Variants in FOXL2 observed in about 807,000 individuals in gnomAD.
The protein encoded by FOXL2 is forkhead box protein L2.
FOXL2 carries 3 observed loss-of-function variants against 2.5 expected under a neutral mutation model. The ratio of observed to expected loss-of-function variants is 1.20; its 90% CI spans 0.55 to 3.11. FOXL2 has a LOEUF of 3.11. Among genes scored for constraint, FOXL2 ranks in the 30% most tolerant of loss-of-function variants. The pLI is 0.03. For missense variants in FOXL2, 512 were observed against 570.0 expected, an observed-to-expected ratio of 0.90 and a Z score of 1.04; for synonymous variants, 315 against 269.4, an observed-to-expected ratio of 1.17 and a Z score of -1.66.
rs1935904063 is a variant in FOXL2 at position 138,944,332 on chromosome 3, C to G, written c.*1260G>C. 4.3e-6 allele frequency: 1 copy of G among 233,362 alleles called. No individual in the cohort carries two copies. Among genetic ancestry groups the G allele is most frequent in the East Asian group, 6.0e-5 (1 of 16,566 alleles). The allele number at this position is 233,362 out of a possible 1,614,324, so 14.5% of individuals were successfully genotyped here. ...TAGTTCTCTCTAGAAAATTTGGTCCCCCAAACAACAAGCTACAGTACAACC... is the reference window on the plus strand; with the variant it reads ...TAGTTCTCTCTAGAAAATTTGGTCCGCCAAACAACAAGCTACAGTACAACC... On this transcript the variant is annotated 3_prime_UTR_variant, in exon 1 of 1. Coordinates refer to ENST00000648323, the MANE Select transcript of FOXL2 (RefSeq NM_023067.4).
chr3:138,945,512 G>A lies in FOXL2; in HGVS notation c.*80C>T, dbSNP rs1248459767. On this transcript the variant is annotated 3_prime_UTR_variant, in exon 1 of 1. Transcript: ENST00000648323. Reference sequence around the variant, plus strand: ...GAGGGTGTGAGGTCAGGCTGGCGGCGGCGTCGTCGGCTGCGACCGGGGCCG... The same window carrying A: ...GAGGGTGTGAGGTCAGGCTGGCGGCAGCGTCGTCGGCTGCGACCGGGGCCG... 16 of 1,546,726 alleles carry A rather than the reference G, an allele frequency of 1.0e-5. No homozygotes were observed. The highest frequency in any genetic ancestry group is 1.3e-5 in the Non-Finnish European group (15 of 1,143,138).
rs757195166 is a variant in FOXL2, at chr3:138,945,932, A to G, written c.791T>C (p.Met264Thr). The change falls in exon 1 of 1, where the codon ATG becomes ACG. Residue 264 changes from methionine (M) to threonine (T), a missense_variant. Coordinates refer to ENST00000648323, the MANE Select transcript of FOXL2 (RefSeq NM_023067.4). ...SYGPYTRVQS[M>T]ALPPGVVNSY... ...GTTCACTACGCCGGGGGGCAGCGCC[A>G]TGCTCTGCACGCGTGTGTACGGCCC... is the stretch of plus-strand genomic sequence containing the variant. The G allele has an allele frequency of 4.4e-6, 6 of 1,369,196 alleles. No individual in the cohort carries two copies. In the Admixed American group the frequency reaches 1.3e-4, roughly 29 times the overall value. The allele number at this position is 1,369,196 out of a possible 1,614,324, so 84.8% of individuals were successfully genotyped here.
In FOXL2 at chr3:138,945,594, A is replaced by G; in HGVS notation, c.1129T>C (p.Ter377ArgextTer31). Residue 377 changes from the stop codon to arginine, a stop_lost, in exon 1 of 1, where the codon TGA becomes CGA. Transcript: ENST00000648323. The stretch of plus-strand genomic sequence containing the variant: ...CTGCACCGGCATGCGGTGGGCTCTC[A>G]GAGATCGAGGCGCGAATGCAGCGCG... ...TGALHSRLDL[*>R] 1 of 1,608,742 alleles carries G rather than the reference A, an allele frequency of 6.2e-7. No individual in the cohort carries two copies. Among genetic ancestry groups the G allele is most frequent in the Non-Finnish European group, 8.5e-7 (1 of 1,177,350 alleles).
chr3:138,945,237 C>CAAGAAGTGTAGATCT lies in FOXL2; in HGVS notation c.*354_*355insAGATCTACACTTCTT. The CAAGAAGTGTAGATCT allele has an allele frequency of 4.1e-6, 1 of 243,824 alleles. No homozygotes were observed. The highest frequency in any genetic ancestry group is 5.4e-5 in the Admixed American group (1 of 18,462). 15.1% of individuals were successfully genotyped at this position (243,824 alleles called of 1,614,324 possible). ...GCCAAGAGGTCTGCGCTGCCGACGC[C>CAAGAAGTGTAGATCT]CGGTCGCACCTCCGCCCCGGGCCCT... is the stretch of plus-strand genomic sequence containing the variant. On this transcript the variant is annotated 3_prime_UTR_variant, in exon 1 of 1. Coordinates refer to ENST00000648323, the MANE Select transcript of FOXL2 (RefSeq NM_023067.4).
Position 138,944,619 on chromosome 3 carries a change from G to A in FOXL2, c.*973C>T. ...GGAGAGGGTGAAACTTCCCCAATTG[G>A]TAGACGAAACCATCTTTTATTGGAT... On this transcript the variant is annotated 3_prime_UTR_variant, in exon 1 of 1. Transcript: ENST00000648323. The A allele has an allele frequency of 4.3e-6, 1 of 233,114 alleles. No homozygotes were observed. The highest frequency in any genetic ancestry group is 8.5e-6 in the Non-Finnish European group (1 of 117,930). The allele number at this position is 233,114 out of a possible 1,614,324, so 14.4% of individuals were successfully genotyped here. A position where few individuals can be genotyped will look rare whatever the true frequency, so the allele number is the denominator to read the frequency against.
At position 138,946,030 on chromosome 3, in the gene FOXL2, AGCCGCAGCTGCTGCAGCCGCTGCG is replaced by A. The variant is rs1404590999; in HGVS notation, c.669_692del (p.Ala227_Ala234del). 2.7e-5 allele frequency: 37 copies of A among 1,390,032 alleles called. No individual in the cohort carries two copies. The highest frequency in any genetic ancestry group is 5.2e-4 in the Middle Eastern group (2 of 3,826). 86.1% of individuals were successfully genotyped at this position (1,390,032 alleles called of 1,614,324 possible). A position where few individuals can be genotyped will look rare whatever the true frequency, so the allele number is the denominator to read the frequency against. Reference sequence around the variant, plus strand: ...CAGGGCTACCGGGGCCCGCGGCTGCAGCCGCAGCTGCTGCAGCCGCTGCGGCTGCCGCCATCTGGCAGGAGGCAT... The same window carrying A: ...CAGGGCTACCGGGGCCCGCGGCTGCAGCTGCCGCCATCTGGCAGGAGGCAT... On this transcript the variant is annotated inframe_deletion, in exon 1 of 1. Coordinates refer to ENST00000648323, the MANE Select transcript of FOXL2 (RefSeq NM_023067.4).
In FOXL2 at chr3:138,946,619, C is replaced by T; in HGVS notation, c.104G>A (p.Gly35Asp). Reference protein sequence around the residue: ...KEPEGPPPSPGKGGGGGGGTA... With the variant: ...KEPEGPPPSPDKGGGGGGGTA... The stretch of plus-strand genomic sequence containing the variant: ...CCCGCCGCCACCCCCACCGCCCTTG[C>T]CTGGGCTCGGCGGCGGCCCTTCTGG... Residue 35 changes from glycine (G) to aspartate (D), a missense_variant, in exon 1 of 1, where the codon GGC (glycine) becomes GAC (aspartate). Around this residue, in one of 5 missense-constraint regions of FOXL2, gnomAD observed 92 missense variants for 77.8 expected, o/e 1.18. Coordinates refer to ENST00000648323, the MANE Select transcript of FOXL2 (RefSeq NM_023067.4). 1.2e-6 allele frequency: 2 copies of T among 1,601,550 alleles called. No individual in the cohort carries two copies. The highest frequency in any genetic ancestry group is 1.7e-6 in the Non-Finnish European group (2 of 1,176,676).
At position 138,945,622 on chromosome 3, in the gene FOXL2, G is replaced by T. The variant is rs143272886; in HGVS notation, c.1101C>A (p.Thr367=). 1,178 of 1,610,776 alleles carry T rather than the reference G, an allele frequency of 7.3e-4. 6 individuals are homozygous for T. The African/African-American group carries it at 0.014, about 19-fold the overall frequency. The part of the protein sequence containing the change: ...HCSYWDHDSK[T]GALHSRLDL ...GATCGAGGCGCGAATGCAGCGCGCC[G>T]GTCTTGCTGTCGTGGTCCCAGTAAG... Residue 367 remains threonine, a synonymous_variant, in exon 1 of 1, where the codon ACC becomes ACA. Transcript: ENST00000648323.
rs547557411 is a variant in FOXL2 at position 138,944,729 on chromosome 3, C to T, written c.*863G>A. The T allele has an allele frequency of 4.3e-6, 1 of 233,224 alleles. No homozygotes were observed. Among genetic ancestry groups the T allele is most frequent in the South Asian group, 1.8e-4 (1 of 5,532 alleles). The allele number at this position is 233,224 out of a possible 1,614,324, so 14.4% of individuals were successfully genotyped here. A position where few individuals can be genotyped will look rare whatever the true frequency, so the allele number is the denominator to read the frequency against. On this transcript the variant is annotated 3_prime_UTR_variant, in exon 1 of 1. Coordinates refer to ENST00000648323, the MANE Select transcript of FOXL2 (RefSeq NM_023067.4). ...CTTCCAGAAGAGAAGATGAGGAATA[C>T]TAAAGCTTTTGATTTTCATATTTGG...
Position 138,946,324 on chromosome 3 carries a change from G to C in FOXL2, c.399C>G (p.Ala133=). The C allele has an allele frequency of 1.9e-6, 3 of 1,613,874 alleles. No homozygotes were observed. The highest frequency in any genetic ancestry group is 2.5e-6 in the Non-Finnish European group (3 of 1,179,932). ...TGCCCTTCTCGAACATGTCTTCGCA[G>C]GCCGGGTCCAGCGTCCAGTAGTTGC... ...RKGNYWTLDP[A]CEDMFEKGNY... is the part of the protein sequence containing the mutation. Residue 133 remains alanine, a synonymous_variant, in exon 1 of 1, where the codon GCC becomes GCG. Coordinates refer to ENST00000648323, the MANE Select transcript of FOXL2 (RefSeq NM_023067.4).
In FOXL2 at chr3:138,945,288, C is replaced by T. The variant is rs762514887; in HGVS notation, c.*304G>A. 18 of 280,478 alleles carry T rather than the reference C, an allele frequency of 6.4e-5. No individual in the cohort carries two copies. Among genetic ancestry groups the T allele is most frequent in the Non-Finnish European group, 1.1e-4 (16 of 151,022 alleles). 17.4% of individuals were successfully genotyped at this position (280,478 alleles called of 1,614,324 possible). A position where few individuals can be genotyped will look rare whatever the true frequency, so the allele number is the denominator to read the frequency against. On this transcript the variant is annotated 3_prime_UTR_variant, in exon 1 of 1. Transcript: ENST00000648323. The stretch of plus-strand genomic sequence containing the variant: ...TTCCGCGGTGAATTTGGGCAGGAGA[C>T]GCTGGGGCTCCGGAAAGAGACGAGC...
chr3:138,946,792 G>C lies in FOXL2; in HGVS notation c.-70C>G. 1 of 1,527,604 alleles carries C rather than the reference G, an allele frequency of 6.5e-7. No homozygotes were observed. Among genetic ancestry groups the C allele is most frequent in the Non-Finnish European group, 8.8e-7 (1 of 1,138,784 alleles). The allele number at this position is 1,527,604 out of a possible 1,614,324, so 94.6% of individuals were successfully genotyped here. Reference sequence around the variant, plus strand: ...CCAGGCGCTGGCGCGGCAAAGAGTTGGGGCGCACGAGTCCGCTTACGGCCA... The same window carrying C: ...CCAGGCGCTGGCGCGGCAAAGAGTTCGGGCGCACGAGTCCGCTTACGGCCA... On this transcript the variant is annotated 5_prime_UTR_variant, in exon 1 of 1. Coordinates refer to ENST00000648323, the MANE Select transcript of FOXL2 (RefSeq NM_023067.4).
In FOXL2 at chr3:138,945,990, C is replaced by T. The variant is rs1351079348; in HGVS notation, c.733G>A (p.Val245Ile). 7.1e-7 allele frequency: 1 copy of T among 1,406,582 alleles called. No individual in the cohort carries two copies. The highest frequency in any genetic ancestry group is 9.1e-7 in the Non-Finnish European group (1 of 1,093,526). 87.1% of individuals were successfully genotyped at this position (1,406,582 alleles called of 1,614,324 possible). ...GCGGCCGGGCCCGCCAGCCCCTTGA[C>T]CACAGCGGCCGCGCCAGGGCTACCG... The part of the protein sequence containing the change: ...GPGSPGAAAV[V>I]KGLAGPAASY... Residue 245 changes from valine to isoleucine, a missense_variant, in exon 1 of 1, where the codon GTC becomes ATC. Physicochemically the swap from Val to Ile is conservative, Grantham distance 29. This residue lies in a region of FOXL2 where 287 missense variants were observed against 277.4 expected (regional missense o/e 1.03). Transcript: ENST00000648323.
Position 138,946,586 on chromosome 3 carries a change from G to C in FOXL2, c.137C>G (p.Pro46Arg), listed in dbSNP as rs1935978690. Residue 46 changes from proline (P) to arginine (R), a missense_variant, in exon 1 of 1, where the codon CCG becomes CGG. Physicochemically the swap from Pro to Arg is moderately radical, Grantham distance 103 (BLOSUM62 -2). This residue lies in a region of FOXL2 where 92 missense variants were observed against 77.8 expected (regional missense o/e 1.18). Coordinates refer to ENST00000648323, the MANE Select transcript of FOXL2 (RefSeq NM_023067.4). ...CTTCTGCGCCGGGTCCGGCTTCTCC[G>C]GGGCTGTCCCGCCGCCACCCCCACC... ...KGGGGGGGTA[P>R]EKPDPAQKPP... is the part of the protein sequence containing the mutation. 3 of 1,606,992 alleles carry C rather than the reference G, an allele frequency of 1.9e-6. No homozygotes were observed. The highest frequency in any genetic ancestry group is 1.3e-5 in the African/African-American group (1 of 74,952).
chr3:138,946,772 C>A lies in FOXL2; in HGVS notation c.-50G>T. 1 of 1,542,218 alleles carries A rather than the reference C, an allele frequency of 6.5e-7. No individual in the cohort carries two copies. On this transcript the variant is annotated 5_prime_UTR_variant, in exon 1 of 1. Coordinates refer to ENST00000648323, the MANE Select transcript of FOXL2 (RefSeq NM_023067.4). Reference sequence around the variant, plus strand: ...GGCCGCCTCTGCTCTCCGCTCCAGGCGCTGGCGCGGCAAAGAGTTGGGGCG... The same window carrying A: ...GGCCGCCTCTGCTCTCCGCTCCAGGAGCTGGCGCGGCAAAGAGTTGGGGCG...
rs1454635236 is a variant in FOXL2 at position 138,945,407 on chromosome 3, G to T, written c.*185C>A. On this transcript the variant is annotated 3_prime_UTR_variant, in exon 1 of 1. Transcript: ENST00000648323. ...GAGCACAGGAGGACATAAACTGAGGGGACAAAGAGGAGCGACAGGAGCTTA... is the reference window on the plus strand; with the variant it reads ...GAGCACAGGAGGACATAAACTGAGGTGACAAAGAGGAGCGACAGGAGCTTA... 9.7e-7 allele frequency: 1 copy of T among 1,033,308 alleles called. No individual in the cohort carries two copies. The highest frequency in any genetic ancestry group is 1.4e-6 in the Non-Finnish European group (1 of 734,144). The allele number at this position is 1,033,308 out of a possible 1,614,324, so 64.0% of individuals were successfully genotyped here. A position where few individuals can be genotyped will look rare whatever the true frequency, so the allele number is the denominator to read the frequency against.
rs780718325 is a variant in FOXL2 at position 138,946,540 on chromosome 3, C to A, written c.183G>T (p.Ala61=). ...TCTCGCGGATCGCCATGGCGATGAG[C>A]GCCACGTACGAGTACGGGGGCTTCT... The part of the protein sequence containing the change: ...PAQKPPYSYV[A]LIAMAIRESA... The change falls in exon 1 of 1, where the codon GCG becomes GCT. Residue 61 remains alanine (A), a synonymous_variant. Coordinates refer to ENST00000648323, the MANE Select transcript of FOXL2 (RefSeq NM_023067.4). 1 of 1,612,850 alleles carries A rather than the reference C, an allele frequency of 6.2e-7. No individual in the cohort carries two copies.
Position 138,945,744 on chromosome 3 carries a change from G to A in FOXL2, c.979C>T (p.Pro327Ser). Residue 327 changes from proline (P) to serine (S), a missense_variant, in exon 1 of 1, where the codon CCA becomes TCA. By Grantham distance (74) the Pro-to-Ser change is moderately conservative. This residue lies in a region of FOXL2 where 287 missense variants were observed against 277.4 expected (regional missense o/e 1.03). Coordinates refer to ENST00000648323, the MANE Select transcript of FOXL2 (RefSeq NM_023067.4). ...GGCGCCGGGGGCGCGGCGGTGGCTG[G>A]GCTGGCAGGGCTGAGCTGGCCCGGC... Reference protein sequence around the residue: ...PPPGQLSPASPATAAPPAPAP... With the variant: ...PPPGQLSPASSATAAPPAPAP... 2.2e-6 allele frequency: 3 copies of A among 1,334,904 alleles called. No individual in the cohort carries two copies. The highest frequency in any genetic ancestry group is 2.9e-6 in the Non-Finnish European group (3 of 1,025,100). The allele number at this position is 1,334,904 out of a possible 1,614,324, so 82.7% of individuals were successfully genotyped here. A position where few individuals can be genotyped will look rare whatever the true frequency, so the allele number is the denominator to read the frequency against.
chr3:138,945,892 C>T lies in FOXL2; in HGVS notation c.831G>A (p.Leu277=), dbSNP rs751172837. 7 of 1,281,680 alleles carry T rather than the reference C, an allele frequency of 5.5e-6. No homozygotes were observed. The highest frequency in any genetic ancestry group is 6.9e-6 in the Non-Finnish European group (7 of 1,020,814). The allele number at this position is 1,281,680 out of a possible 1,614,324, so 79.4% of individuals were successfully genotyped here. ...PPGVVNSYNG[L]GGPPAAPPPP... ...GCGGGGGTGCGGCCGGCGGGCCTCC[C>T]AGGCCATTGTACGAGTTCACTACGC... Residue 277 remains leucine (L), a synonymous_variant, in exon 1 of 1, where the codon CTG becomes CTA. Coordinates refer to ENST00000648323, the MANE Select transcript of FOXL2 (RefSeq NM_023067.4).
Sources: gnomAD v4.1 joint callset for allele counts on GRCh38, gnomAD v4.1.1 for gene constraint, gnomAD v4.1.1 regional missense constraint, MANE v1.5 for transcripts, NCBI Gene and HGNC (gene_info 2026-07-23, HGNC 2026-07-21) for gene names.